The following ARFGEF1 variants were observed in gnomAD, a reference collection of about 807,000 sequenced individuals.
ARFGEF1 encodes the protein ARF guanine nucleotide exchange factor 1.
In ARFGEF1, 42 loss-of-function variants were observed where a neutral mutation model predicts 231.0. The observed-to-expected ratio is 0.18, with a 90% confidence interval of 0.14 to 0.24. The LOEUF is 0.24. Ranked by LOEUF, ARFGEF1 falls within the 10% of genes least tolerant of loss-of-function variation. The pLI, the probability that ARFGEF1 is intolerant of heterozygous loss-of-function variation, is 1.00. For missense variants in ARFGEF1, 1,345 were observed against 2,192.0 expected (o/e 0.61, Z 7.72); for synonymous variants, 710 against 732.3 (o/e 0.97, Z 0.49).
intron 34 of ARFGEF1, chr8:67,207,290 C>T (rs1229468859): frequency 6.6e-6 from 1 of 152,134 alleles, no homozygotes; most frequent in Non-Finnish European, 1.5e-5. Context: ...CTTAGGAGAC[C>T]TATTTTCATC....
At position 67,301,338 on chromosome 8, in the gene ARFGEF1, T is replaced by A; in HGVS notation, c.198A>T (p.Pro66=). The change falls in exon 3 of 39, where the codon CCA becomes CCT. Residue 66 remains proline, a synonymous_variant. Coordinates refer to ENST00000262215, the MANE Select transcript of ARFGEF1 (RefSeq NM_006421.5). ...GEAKAGSSTL[P]PVKSKTNFIE... ...TAAAATTTGTCTTTGATTTCACTGG[T>A]GGAAGGGTGCTTGATCCAGCTTTTG... is the stretch of plus-strand genomic sequence containing the variant. 6.2e-7 allele frequency: 1 copy of A among 1,614,028 alleles called. No homozygotes were observed. Among genetic ancestry groups the A allele is most frequent in the Non-Finnish European group, 8.5e-7 (1 of 1,179,984 alleles).
intron 1 of ARFGEF1, among the ~76,000 whole-genome samples, chr8:67,309,778 T>G (rs1323590872): frequency 6.6e-6 from 1 of 152,238 alleles, no homozygotes; most frequent in African/African-American, 2.4e-5. Context: ...ATCTTGTGAA[T>G]GGTCTTAATC....
At chr8:67,265,589 C>A (rs1804818137) in intron 14 of ARFGEF1, among the ~76,000 whole-genome samples, 1 of 151,950 alleles carries the variant, frequency 6.6e-6, no homozygotes. Context: ...AAAATGAAAT[C>A]AATAACAAGA....
chr8:67,318,910 C>G (rs1441341569), intron 1 of ARFGEF1, among the ~76,000 whole-genome samples: 1 of 152,174 alleles, frequency 6.6e-6, no homozygotes, highest in Non-Finnish European at 1.5e-5. Flanking sequence ...AAGGTGATAG[C>G]TGCAGTGAGC....
chr8:67,336,052 T>G (rs1808334110), intron 1 of ARFGEF1, among the ~76,000 whole-genome samples: 1 of 152,232 alleles, frequency 6.6e-6, no homozygotes, highest in South Asian at 2.1e-4. Flanking sequence ...CCCGGCCATT[T>G]TAAAGATTTT....
chr8:67,324,237 T>A (rs1375274278), intron 1 of ARFGEF1, among the ~76,000 whole-genome samples: 2 of 152,214 alleles, frequency 1.3e-5, no homozygotes, highest in African/African-American at 2.4e-5. Flanking sequence ...GAGTTTGCAG[T>A]GAGGCGGGAT....
intron 1 of ARFGEF1, among the ~76,000 whole-genome samples, chr8:67,315,976 C>T (rs1020503961): frequency 6.6e-6 from 1 of 151,584 alleles, no homozygotes; most frequent in Admixed American, 6.6e-5. Flanking sequence ...ATAATAAATA[C>T]AAGAGCAGAA....
chr8:67,189,725 T>G (rs1237256783), intron 5 of ARFGEF1, among the ~76,000 whole-genome samples: 1 of 152,204 alleles, frequency 6.6e-6, no homozygotes, highest in African/African-American at 2.4e-5. Flanking sequence ...TGTCACCAAC[T>G]TATTGGTGTA....
At chr8:67,210,512 G>A (rs757330259) in intron 34 of ARFGEF1, among the ~76,000 whole-genome samples, 2 of 152,022 alleles carry the variant, frequency 1.3e-5, no homozygotes, top group Non-Finnish European at 2.9e-5. Flanking sequence ...AACAAGTGGG[G>A]TGCTCCTGCT....
chr8:67,200,923 G>A (rs1266504022), intron 37 of ARFGEF1, among the ~76,000 whole-genome samples: 1 of 152,160 alleles, frequency 6.6e-6, no homozygotes, highest in African/African-American at 2.4e-5. Flanking sequence ...AATCAAATGG[G>A]ATAACAGAGA....
intron 35 of ARFGEF1, among the ~76,000 whole-genome samples, chr8:67,204,056 A>G (rs1001669452): frequency 3.9e-5 from 6 of 152,188 alleles, no homozygotes; most frequent in Admixed American, 2.6e-4. Flanking sequence ...ACGCTGCCAT[A>G]TCACCAATCT....
At chr8:67,337,128 CAAAAA>C (rs1160016610) in intron 1 of ARFGEF1, among the ~76,000 whole-genome samples, 4 of 54,998 alleles carry the variant, frequency 7.3e-5, no homozygotes, top group African/African-American at 1.5e-4. Flanking sequence ...GACGCCGTCT[CAAAAA>C]AAAAAAAAAA....
chr8:67,310,951 G>A (rs184302394), intron 1 of ARFGEF1, among the ~76,000 whole-genome samples: 3,525 of 48,038 alleles, frequency 0.073, 78 homozygotes, highest in Non-Finnish European at 0.096. Flanking sequence ...CAGCCACCCC[G>A]TCCAGGAGGG....
At chr8:67,301,124 T>C (rs1806468741) in intron 3 of ARFGEF1, 100 bp downstream of exon 3, 1 of 1,185,700 alleles carries the variant, frequency 8.4e-7, no homozygotes, top group Non-Finnish European at 1.1e-6. Flanking sequence ...AAAAAGAGTA[T>C]TCAAAGCTTT....
intron 5 of ARFGEF1, among the ~76,000 whole-genome samples, chr8:67,293,337 T>A (rs1806090108): frequency 6.6e-6 from 1 of 152,110 alleles, no homozygotes; most frequent in South Asian, 2.1e-4. Flanking sequence ...CGTCACTGTA[T>A]AAGTGAGGCC....
At chr8:67,312,527 C>CA (rs971417370) in intron 1 of ARFGEF1, among the ~76,000 whole-genome samples, 35 of 151,418 alleles carry the variant, frequency 2.3e-4, no homozygotes, top group African/African-American at 3.4e-4. Context: ...TGAAGGATAA[C>CA]AAAAAAAACA....
chr8:67,292,007 C>G lies in ARFGEF1; in HGVS notation c.756G>C (p.Gln252His), dbSNP rs1406939161. The G allele has an allele frequency of 6.2e-7, 1 of 1,613,828 alleles. No individual in the cohort carries two copies. Among genetic ancestry groups the G allele is most frequent in the Non-Finnish European group, 8.5e-7 (1 of 1,179,924 alleles). ...GTTCTTGGGATATATGATCAACAGTCTGAGGTGGCAAATATCTAAGTTGAG... is the reference window on the plus strand; with the variant it reads ...GTTCTTGGGATATATGATCAACAGTGTGAGGTGGCAAATATCTAAGTTGAG... ...ESPQLRYLPP[Q>H]TVDHISQEHE... The change falls in exon 6 of 39, where the codon CAG (glutamine) becomes CAC (histidine). Residue 252 changes from glutamine to histidine, a missense_variant. Around this residue, in one of 14 missense-constraint regions of ARFGEF1, gnomAD observed 398 missense variants for 463.2 expected, o/e 0.86. Coordinates refer to ENST00000262215, the MANE Select transcript of ARFGEF1 (RefSeq NM_006421.5).
intron 1 of ARFGEF1, among the ~76,000 whole-genome samples, chr8:67,322,951 A>G (rs567997043): frequency 2.0e-5 from 3 of 152,300 alleles, no homozygotes; most frequent in Non-Finnish European, 4.4e-5. Context: ...ATATACTTAA[A>G]TGTTTTCCAA....
chr8:67,269,149 G>A (rs922163050), intron 10 of ARFGEF1, among the ~76,000 whole-genome samples: 1 of 151,974 alleles, frequency 6.6e-6, no homozygotes, highest in Non-Finnish European at 1.5e-5. Flanking sequence ...TCTTAAGTAT[G>A]CTGTCTTCAC....
Sources: gnomAD v4.1 joint callset for allele counts (sites outside exome capture counted in the v4.1 genomes callset) on GRCh38, gnomAD v4.1.1 for gene constraint, gnomAD v4.1.1 regional missense constraint, MANE v1.5 for transcripts, NCBI Gene and HGNC (gene_info 2026-07-23, HGNC 2026-07-21) for gene names.